The following DMD variants were observed in gnomAD, a reference collection of about 807,000 sequenced individuals.
DMD encodes mutant dystrophin.
DMD carries 63 observed loss-of-function variants against 330.1 expected under a neutral mutation model. The observed-to-expected ratio is 0.19, with a 90% CI of 0.16 to 0.24. The LOEUF is 0.24. Ranked by LOEUF, DMD falls within the 10% of genes least tolerant of loss-of-function variation. DMD has a pLI of 1.00. For missense variants in DMD, 3,344 were observed against 2,684.1 expected, an observed-to-expected ratio of 1.25 and a Z score of -5.43; for synonymous variants, 1,223 against 959.8, an observed-to-expected ratio of 1.27 and a Z score of -5.07.
At chrX:33,293,010 C>T (rs1253924174) in intron 1 of DMD, among the ~76,000 whole-genome samples, 3 of 111,701 alleles carry the variant, frequency 2.7e-5, no homozygotes, top group Non-Finnish European at 5.7e-5. Context: ...ATCAGCTCAG[C>T]TATCACTGCT....
intron 64 of DMD, among the ~76,000 whole-genome samples, chrX:31,214,813 G>A (rs1355429394): frequency 1.5e-4 from 17 of 110,351 alleles, no homozygotes; most frequent in Non-Finnish European, 3.0e-4. Context: ...GGGACTGTCT[G>A]CATTGTGTGG....
At position 32,906,215 on chromosome X, in the gene DMD, G is replaced by A. The variant is rs142750450; in HGVS notation, c.94-56395C>T. 3.5e-3 allele frequency among the ~76,000 whole-genome samples: 390 copies of A among 111,011 alleles called. 1 individual carries two copies. Among genetic ancestry groups the A allele is most frequent in the African/African-American group, 0.012 (361 of 30,466 alleles). On this transcript the variant is annotated intron_variant, in intron 2 of 78. Coordinates refer to ENST00000357033, the MANE Select transcript of DMD (RefSeq NM_004006.3). Reference sequence around the variant, plus strand: ...CCTTGATGCTGTTCTCGCGATAGTGGGCTCTCACGAGATCTGGTTGTTTAA... The same window carrying A: ...CCTTGATGCTGTTCTCGCGATAGTGAGCTCTCACGAGATCTGGTTGTTTAA...
chrX:32,862,891 T>C (rs1191026353), intron 2 of DMD, among the ~76,000 whole-genome samples: 1 of 110,253 alleles, frequency 9.1e-6, no homozygotes, highest in Non-Finnish European at 1.9e-5. Flanking sequence ...CGCGAGCCAC[T>C]ACGCTTGGCT....
intron 2 of DMD, among the ~76,000 whole-genome samples, chrX:32,855,895 G>C (rs1256584331): frequency 9.0e-6 from 1 of 111,621 alleles, no homozygotes; most frequent in Non-Finnish European, 1.9e-5. Flanking sequence ...GAGTAGGAGA[G>C]AATACTGGCC....
At chrX:31,679,618 G>C in intron 52 of DMD, 32 bp from the exon 53 acceptor site, 2 of 1,101,298 alleles carry the variant, frequency 1.8e-6, no homozygotes, top group Non-Finnish European at 2.5e-6. Flanking sequence ...ATATATAGTA[G>C]TAAATGCTAG....
At chrX:31,710,004 T>A (rs73210136) in intron 52 of DMD, among the ~76,000 whole-genome samples, 2,088 of 111,745 alleles carry the variant, frequency 0.019, 20 homozygotes, top group Non-Finnish European at 0.031. Context: ...TCTGCAAAAA[T>A]AAACTGGCTG....
intron 55 of DMD, among the ~76,000 whole-genome samples, chrX:31,601,007 A>G (rs2148211960): frequency 9.0e-6 from 1 of 110,837 alleles, no homozygotes; most frequent in Admixed American, 9.6e-5. Context: ...TGAATGTGCC[A>G]TCTGTTTCTT....
chrX:32,923,994 T>A (rs750452728), intron 2 of DMD, among the ~76,000 whole-genome samples: 2 of 111,895 alleles, frequency 1.8e-5, no homozygotes, highest in African/African-American at 3.2e-5. Flanking sequence ...AGTACCTGAA[T>A]AATGTTGAGC....
chrX:33,304,355 C>T lies in DMD; in HGVS notation c.7+34904G>A, dbSNP rs1488094181. On this transcript the variant is annotated intron_variant, in intron 1 of 17. Transcript: ENST00000288447. ...TAATAAATGGTGCTGGGAAAACTGG[C>T]TAGCCATATGGAGAAAGCTGAAACT... Among the ~76,000 whole-genome samples, 21 of 111,215 alleles carry T rather than the reference C, an allele frequency of 1.9e-4. No individual in the cohort carries two copies. The Admixed American group carries it at 2.0e-3, about 11-fold the overall frequency.
intron 9 of DMD, among the ~76,000 whole-genome samples, chrX:32,656,015 T>C (rs893088570): frequency 2.7e-5 from 3 of 111,521 alleles, no homozygotes; most frequent in African/African-American, 9.8e-5. Flanking sequence ...AAAAAATGGC[T>C]CTGGCAAAGA....
intron 45 of DMD, among the ~76,000 whole-genome samples, chrX:31,967,485 T>C (rs1397315983): frequency 9.1e-6 from 1 of 109,543 alleles, no homozygotes; most frequent in Non-Finnish European, 1.9e-5. Context: ...ATCTTCTTTT[T>C]AATACATCTT....
At chrX:32,015,908 G>GT (rs775674436) in intron 44 of DMD, among the ~76,000 whole-genome samples, 6 of 111,218 alleles carry the variant, frequency 5.4e-5, no homozygotes, top group Admixed American at 2.9e-4. Context: ...AGAACACTAA[G>GT]TTTTTTTTGT....
chrX:32,647,955 A>C (rs2059890701), intron 9 of DMD, among the ~76,000 whole-genome samples: 1 of 112,033 alleles, frequency 8.9e-6, no homozygotes, highest in African/African-American at 3.2e-5. Flanking sequence ...GCTCGTATTT[A>C]AGAGTTCTTA....
At chrX:32,205,005 T>TCACACACACACACA (rs1557210475) in intron 44 of DMD, among the ~76,000 whole-genome samples, 1 of 29,239 alleles carries the variant, frequency 3.4e-5, no homozygotes, top group Admixed American at 4.4e-4. Flanking sequence ...TCTCTCTCTC[T>TCACACACACACACA]CACATACACA....
chrX:33,118,256 G>T (rs2095401790), intron 1 of DMD, among the ~76,000 whole-genome samples: 1 of 107,058 alleles, frequency 9.3e-6, no homozygotes, highest in African/African-American at 3.4e-5. Context: ...GACTACAGGC[G>T]CCCGCTACCA....
Position 33,258,594 on chromosome X carries a change from C to T in DMD, c.7+80665G>A, listed in dbSNP as rs910242239. Among the ~76,000 whole-genome samples, 3 of 111,198 alleles carry T rather than the reference C, an allele frequency of 2.7e-5. No individual in the cohort carries two copies. In the Admixed American group the frequency reaches 2.9e-4, roughly 11 times the overall value. On this transcript the variant is annotated intron_variant, in intron 1 of 17. Transcript: ENST00000288447. Reference sequence around the variant, plus strand: ...TGGAAACCTTTTTCTAAAAATATTGCTTTGATGGTAAAACGACTGGCAACA... The same window carrying T: ...TGGAAACCTTTTTCTAAAAATATTGTTTTGATGGTAAAACGACTGGCAACA...
chrX:32,182,149 G>T (rs527807856), intron 44 of DMD, among the ~76,000 whole-genome samples: 3 of 111,499 alleles, frequency 2.7e-5, no homozygotes, highest in Non-Finnish European at 3.8e-5. Context: ...TCCCTCTCTT[G>T]TTCACCTCTC....
intron 2 of DMD, among the ~76,000 whole-genome samples, chrX:32,980,736 G>A (rs1460015673): frequency 1.8e-5 from 2 of 111,681 alleles, no homozygotes; most frequent in African/African-American, 6.5e-5. Context: ...GATGGAGTTT[G>A]AGAAAATTAT....
chrX:32,850,766 C>T (rs1000369579), intron 2 of DMD, among the ~76,000 whole-genome samples: 4 of 111,859 alleles, frequency 3.6e-5, no homozygotes, highest in African/African-American at 1.3e-4. Flanking sequence ...ACCCTACAAT[C>T]CCCTCATGAG....
Sources: gnomAD v4.1 joint callset for allele counts (sites outside exome capture counted in the v4.1 genomes callset) on GRCh38, gnomAD v4.1.1 for gene constraint, MANE v1.5 for transcripts, NCBI Gene and HGNC (gene_info 2026-07-23, HGNC 2026-07-21) for gene names.